Variants in RNF128 observed in about 807,000 individuals in gnomAD.
RNF128 encodes ring finger protein 128, also known as E3 ubiquitin-protein ligase RNF128.
RNF128 carries 13 observed loss-of-function variants against 26.2 expected under a neutral mutation model. The observed-to-expected ratio is 0.50, with a 90% CI of 0.32 to 0.79. RNF128 has a LOEUF of 0.79. Among genes scored for constraint, RNF128 ranks in the 30% least tolerant of loss-of-function variants. The pLI is 0.03. For missense variants in RNF128, 315 were observed against 349.7 expected (o/e 0.90, Z 0.79); for synonymous variants, 149 against 142.5 (o/e 1.05, Z -0.32).
chrX:106,700,313 C>T (rs1928938700), intron 1 of RNF128, among the ~76,000 whole-genome samples: 1 of 111,210 alleles, frequency 9.0e-6, no homozygotes, highest in Admixed American at 9.6e-5. Flanking sequence ...CGTGAGCCGT[C>T]GCACTTGGCC....
intron 1 of RNF128, among the ~76,000 whole-genome samples, chrX:106,711,331 G>T (rs1929123552): frequency 8.9e-6 from 1 of 112,137 alleles, no homozygotes; most frequent in Non-Finnish European, 1.9e-5. Context: ...TATTTATGGA[G>T]CAATCACCAG....
chrX:106,726,743 G>C lies in RNF128; in HGVS notation c.-171G>C, dbSNP rs1379400554. On this transcript the variant is annotated 5_prime_UTR_variant, in exon 1 of 7. Coordinates refer to ENST00000255499, the MANE Select transcript of RNF128 (RefSeq NM_194463.2). Reference sequence around the variant, plus strand: ...TGGAGCTCCGAGGAGCTGCATCTGCGGCAACCTGTGTGCTGACGCTACGTG... The same window carrying C: ...TGGAGCTCCGAGGAGCTGCATCTGCCGCAACCTGTGTGCTGACGCTACGTG... The C allele has an allele frequency of 3.8e-6, 4 of 1,048,049 alleles. No individual in the cohort carries two copies. Among genetic ancestry groups the C allele is most frequent in the Non-Finnish European group, 4.9e-6 (4 of 823,074 alleles). The allele number at this position is 1,048,049 out of a possible 1,213,427, so 86.4% of individuals were successfully genotyped here. A position where few individuals can be genotyped will look rare whatever the true frequency, so the allele number is the denominator to read the frequency against.
chrX:106,790,661 GA>G (rs917463463), intron 5 of RNF128, among the ~76,000 whole-genome samples: 3 of 110,558 alleles, frequency 2.7e-5, no homozygotes, highest in African/African-American at 9.8e-5. Context: ...TTTGGTAAAT[GA>G]AAAAAAGGCC....
At position 106,713,441 on chromosome X, in the gene RNF128, A is replaced by C. The variant is rs144227632; in HGVS notation, c.406+19033A>C. Among the ~76,000 whole-genome samples the C allele has an allele frequency of 1.6e-3, 182 of 110,604 alleles. 7 individuals are homozygous for C. In the East Asian group the frequency reaches 0.049, roughly 30 times the overall value. Reference sequence around the variant, plus strand: ...AGGATCGCTTGAGCCCATGAGGTGGAGGTTGTAGTGAGCCGAGATCAACCA... The same window carrying C: ...AGGATCGCTTGAGCCCATGAGGTGGCGGTTGTAGTGAGCCGAGATCAACCA... On this transcript the variant is annotated intron_variant, in intron 1 of 6. Coordinates refer to the RNF128 transcript ENST00000324342.
intron 1 of RNF128, among the ~76,000 whole-genome samples, chrX:106,729,442 C>T (rs939626251): frequency 9.0e-6 from 1 of 110,624 alleles, no homozygotes; most frequent in South Asian, 3.8e-4. Flanking sequence ...TGATAATAGT[C>T]ACTGAATGTT....
chrX:106,793,881 A>T (rs1446602614), intron 6 of RNF128, among the ~76,000 whole-genome samples: 1 of 111,261 alleles, frequency 9.0e-6, no homozygotes, highest in Admixed American at 9.6e-5. Flanking sequence ...CACTTGGTTG[A>T]GGTGGTGTCT....
chrX:106,708,021 T>A (rs1223524743), intron 1 of RNF128, among the ~76,000 whole-genome samples: 2 of 111,611 alleles, frequency 1.8e-5, no homozygotes, highest in Non-Finnish European at 3.8e-5. Context: ...AATGAGTGTA[T>A]GAAAATGAAT....
intron 1 of RNF128, among the ~76,000 whole-genome samples, chrX:106,757,673 A>G (rs1189808743): frequency 9.8e-6 from 1 of 102,545 alleles, no homozygotes; most frequent in Non-Finnish European, 2.0e-5. Flanking sequence ...AGCACGGCAC[A>G]TGTATACATA....
chrX:106,716,719 G>A (rs1929222800), intron 1 of RNF128, among the ~76,000 whole-genome samples: 1 of 110,657 alleles, frequency 9.0e-6, no homozygotes, highest in Non-Finnish European at 1.9e-5. Context: ...AAGATCTGTG[G>A]CTACAAAAAA....
chrX:106,764,691 C>T (rs1930184747), intron 1 of RNF128, among the ~76,000 whole-genome samples: 1 of 111,397 alleles, frequency 9.0e-6, no homozygotes, highest in South Asian at 3.8e-4. Flanking sequence ...ACAACAACAA[C>T]AACAAAAACC....
chrX:106,716,988 G>T (rs1929227046), intron 1 of RNF128, among the ~76,000 whole-genome samples: 2 of 110,484 alleles, frequency 1.8e-5, no homozygotes, highest in Non-Finnish European at 3.8e-5. Context: ...AGATCACGAG[G>T]TCGGGAGATC....
At chrX:106,767,926 C>G (rs896446355) in intron 1 of RNF128, among the ~76,000 whole-genome samples, 4 of 111,541 alleles carry the variant, frequency 3.6e-5, no homozygotes, top group African/African-American at 9.8e-5. Flanking sequence ...TAGCATGAAG[C>G]GCTGTTGAAT....
chrX:106,780,303 G>A (rs1018047816), intron 2 of RNF128, among the ~76,000 whole-genome samples: 6 of 111,920 alleles, frequency 5.4e-5, no homozygotes, highest in African/African-American at 1.9e-4. Context: ...ATTGAACATT[G>A]TAATAAAGAA....
intron 1 of RNF128, among the ~76,000 whole-genome samples, chrX:106,754,410 C>CTTTTT (rs150895665): frequency 0.029 from 1,039 of 35,780 alleles, 123 homozygotes; most frequent in African/African-American, 0.087. Context: ...TTTTCTTTCT[C>CTTTTT]TTTTTTTTTT....
At chrX:106,743,440 T>A (rs1929736046) in intron 1 of RNF128, among the ~76,000 whole-genome samples, 1 of 111,783 alleles carries the variant, frequency 8.9e-6, no homozygotes, top group Non-Finnish European at 1.9e-5. Flanking sequence ...TGTAACACAG[T>A]GAGCCAATAT....
At position 106,740,203 on chromosome X, in the gene RNF128, T is replaced by G. The variant is rs761878680; in HGVS notation, c.484+12806T>G. 2.1e-4 allele frequency among the ~76,000 whole-genome samples: 24 copies of G among 111,645 alleles called. No homozygotes were observed. In the East Asian group the frequency reaches 6.8e-3, roughly 32 times the overall value. On this transcript the variant is annotated intron_variant, in intron 1 of 6. Transcript: ENST00000255499. ...TTTTTTCCTTCCAGGGACCTCACAT[T>G]TTTAGCCTCTGTTGTTGTTGTTGTT...
chrX:106,712,140 T>C (rs1929139646), intron 1 of RNF128, among the ~76,000 whole-genome samples: 1 of 112,312 alleles, frequency 8.9e-6, no homozygotes, highest in South Asian at 3.7e-4. Context: ...CACGTCTTTA[T>C]ATGTCTGAAG....
At chrX:106,759,003 T>C (rs184901047) in intron 1 of RNF128, among the ~76,000 whole-genome samples, 4 of 111,371 alleles carry the variant, frequency 3.6e-5, no homozygotes, top group Admixed American at 2.9e-4. Flanking sequence ...AGACTACCCA[T>C]AGAATGGGAG....
chrX:106,779,957 A>G (rs1391704669), intron 2 of RNF128, among the ~76,000 whole-genome samples: 2 of 112,094 alleles, frequency 1.8e-5, no homozygotes, highest in Non-Finnish European at 3.8e-5. Context: ...CTCTTACTAT[A>G]ATTCTTGATT....
Sources: allele counts gnomAD v4.1 joint callset (sites outside exome capture counted in the v4.1 genomes callset), GRCh38; gene constraint gnomAD v4.1.1; transcripts MANE v1.5; gene names NCBI Gene and HGNC (gene_info 2026-07-23, HGNC 2026-07-21).